Variants in PCDHA4 observed in about 807,000 individuals in gnomAD.
The protein encoded by PCDHA4 is protocadherin alpha-4.
PCDHA4 carries 49 observed loss-of-function variants against 61.4 expected under a neutral mutation model. That is an observed-to-expected ratio of 0.80 (90% CI 0.63 to 1.01). PCDHA4 has a LOEUF of 1.01. PCDHA4 is among the 50% of genes least tolerant of loss of function. The probability of loss-of-function intolerance (pLI) is 0.00; values close to 1 mark genes in which losing one functional copy is unlikely to be tolerated. For synonymous variants in PCDHA4, 590 were observed against 550.3 expected, an observed-to-expected ratio of 1.07 and a Z score of -1.01; for missense variants, 1,254 against 1,235.8, an observed-to-expected ratio of 1.01 and a Z score of -0.22.
At chr5:140,884,137 C>T (rs782067447) in intron 1 of PCDHA4, 4 of 1,613,402 alleles carry the variant, frequency 2.5e-6, no homozygotes, top group Middle Eastern at 1.7e-4. Context: ...TCCCGTTCCG[C>T]GTGGGGCTGT....
At chr5:141,002,555 A>T (rs1349538713) in intron 3 of PCDHA4, among the ~76,000 whole-genome samples, 1 of 152,222 alleles carries the variant, frequency 6.6e-6, no homozygotes, top group African/African-American at 2.4e-5. Flanking sequence ...CCCAGGATCC[A>T]CCAGTTAGTG....
chr5:140,884,314 G>A, intron 1 of PCDHA4: 1 of 1,613,760 alleles, frequency 6.2e-7, no homozygotes, highest in Non-Finnish European at 8.5e-7. Context: ...CGTCGAGGGC[G>A]TCGGCAGGCG....
At chr5:140,869,151 C>T in intron 1 of PCDHA4, 1 of 1,613,806 alleles carries the variant, frequency 6.2e-7, no homozygotes, top group South Asian at 1.1e-5. Context: ...GACTACAGCT[C>T]TGGCTTCTCC....
At chr5:140,883,105 C>T in intron 1 of PCDHA4, 1 of 1,614,056 alleles carries the variant, frequency 6.2e-7, no homozygotes, top group Non-Finnish European at 8.5e-7. Context: ...ATATAGTTTA[C>T]TCATTTAGAA....
In PCDHA4 at chr5:140,853,104, C is replaced by T. The variant is rs1299242689; in HGVS notation, c.2385+43532C>T. 2.1e-5 allele frequency: 8 copies of T among 388,186 alleles called. 1 individual carries two copies. The highest frequency in any genetic ancestry group is 4.4e-5 in the African/African-American group (2 of 45,392). 24.0% of individuals were successfully genotyped at this position (388,186 alleles called of 1,614,324 possible). A position where few individuals can be genotyped will look rare whatever the true frequency, so the allele number is the denominator to read the frequency against. ...CCGTGTTAGTCAGGATGGTCTCGAT[C>T]TCCTGACCTCATGATCCTCCCGCCT... On this transcript the variant is annotated intron_variant, in intron 1 of 3. Coordinates refer to ENST00000530339, the MANE Select transcript of PCDHA4 (RefSeq NM_018907.4).
intron 1 of PCDHA4, chr5:140,859,867 TC>T (rs2046061567): frequency 6.6e-6 from 1 of 152,134 alleles, no homozygotes; most frequent in East Asian, 1.9e-4. Context: ...AATATATACT[TC>T]CCCCTCTGAT....
At chr5:140,889,273 T>C (rs1307102398) in intron 1 of PCDHA4, among the ~76,000 whole-genome samples, 3 of 152,054 alleles carry the variant, frequency 2.0e-5, no homozygotes, top group Admixed American at 6.5e-5. Flanking sequence ...GTATAATCTT[T>C]GAATTACTTC....
chr5:140,945,534 TACAA>T (rs1326981055), intron 1 of PCDHA4, among the ~76,000 whole-genome samples: 1 of 151,454 alleles, frequency 6.6e-6, no homozygotes, highest in African/African-American at 2.4e-5. Flanking sequence ...AAACAAAACA[TACAA>T]ACAAAAAAAT....
At chr5:140,899,035 G>C (rs2067107583) in intron 1 of PCDHA4, among the ~76,000 whole-genome samples, 1 of 151,908 alleles carries the variant, frequency 6.6e-6, no homozygotes, top group African/African-American at 2.4e-5. Context: ...TTTGTACATT[G>C]ATTTTGTATC....
At chr5:140,843,379 T>G in intron 1 of PCDHA4, 1 of 1,595,912 alleles carries the variant, frequency 6.3e-7, no homozygotes, top group Non-Finnish European at 8.6e-7. Flanking sequence ...CGGCTGGCGT[T>G]TTGGGTCCGG....
At chr5:140,891,034 G>A (rs1377509789) in intron 1 of PCDHA4, among the ~76,000 whole-genome samples, 1 of 151,488 alleles carries the variant, frequency 6.6e-6, no homozygotes, top group Non-Finnish European at 1.5e-5. Context: ...ATAATCTTAG[G>A]TGTGACCCCC....
intron 1 of PCDHA4, chr5:140,848,872 T>C: frequency 6.3e-7 from 1 of 1,590,738 alleles, no homozygotes; most frequent in Non-Finnish European, 8.6e-7. Flanking sequence ...GTGAAGGACA[T>C]TAACGACAAC....
chr5:140,824,316 A>T (rs1482945838), intron 1 of PCDHA4: 2 of 744,252 alleles, frequency 2.7e-6, no homozygotes, highest in African/African-American at 3.5e-5. Flanking sequence ...TAGATTCATC[A>T]GCTTTCTGTG....
At position 140,845,330 on chromosome 5, in the gene PCDHA4, G is replaced by C. The variant is rs2150378470; in HGVS notation, c.2385+35758G>C. ...GTTCTCAGGTATTACTTTAATTACTGAATTCTCCTAAACATTTAATTGACT... is the reference window on the plus strand; with the variant it reads ...GTTCTCAGGTATTACTTTAATTACTCAATTCTCCTAAACATTTAATTGACT... On this transcript the variant is annotated intron_variant, in intron 1 of 3. Coordinates refer to ENST00000530339, the MANE Select transcript of PCDHA4 (RefSeq NM_018907.4). Among the ~76,000 whole-genome samples the C allele has an allele frequency of 1.2e-4, 18 of 149,276 alleles. 2 individuals carry two copies. Among genetic ancestry groups the C allele is most frequent in the Non-Finnish European group, 2.2e-4 (15 of 66,728 alleles).
intron 1 of PCDHA4, among the ~76,000 whole-genome samples, chr5:140,912,129 A>C (rs2075781767): frequency 6.6e-6 from 1 of 152,156 alleles, no homozygotes; most frequent in Admixed American, 6.6e-5. Flanking sequence ...AGTCAGTCTA[A>C]TCTCTCCATG....
intron 1 of PCDHA4, among the ~76,000 whole-genome samples, chr5:140,896,652 C>T (rs1393897195): frequency 2.6e-5 from 4 of 152,018 alleles, no homozygotes; most frequent in African/African-American, 9.7e-5. Flanking sequence ...GCTAGTATTA[C>T]AGGCATGAGT....
rs782792374 is a variant in PCDHA4, at chr5:140,869,589, T to C, written c.2385+60017T>C. The C allele has an allele frequency of 2.5e-6, 4 of 1,614,002 alleles. No individual in the cohort carries two copies. The African/African-American group carries it at 4.0e-5, about 16-fold the overall frequency. On this transcript the variant is annotated intron_variant, in intron 1 of 3. Coordinates refer to ENST00000530339, the MANE Select transcript of PCDHA4 (RefSeq NM_018907.4). ...TAGAGGGAGCTTCTGATGCTGACAT[T>C]GAAGAGAATGCTCTATTGACCTACA...
chr5:140,855,044 T>C lies in PCDHA4; in HGVS notation c.2385+45472T>C, dbSNP rs1055824292. ...TCTTGTATAAAGGATTTTTCTGTAA[T>C]AGTACTTTTCTGTTTTCTTAAATAC... On this transcript the variant is annotated intron_variant, in intron 1 of 3. Coordinates refer to ENST00000530339, the MANE Select transcript of PCDHA4 (RefSeq NM_018907.4). 4.0e-5 allele frequency among the ~76,000 whole-genome samples: 6 copies of C among 149,952 alleles called. 2 individuals carry two copies. The highest frequency in any genetic ancestry group is 8.9e-5 in the Non-Finnish European group (6 of 67,110).
chr5:140,921,471 A>G (rs2080231314), intron 1 of PCDHA4, among the ~76,000 whole-genome samples: 1 of 152,182 alleles, frequency 6.6e-6, no homozygotes, highest in Non-Finnish European at 1.5e-5. Context: ...ACCACTACCA[A>G]ACCACTCTAC....
Sources: gnomAD v4.1 joint callset for allele counts (sites outside exome capture counted in the v4.1 genomes callset) on GRCh38, gnomAD v4.1.1 for gene constraint, MANE v1.5 for transcripts, NCBI Gene and HGNC (gene_info 2026-07-23, HGNC 2026-07-21) for gene names.